Variants in DLG5 observed in about 807,000 individuals in gnomAD.
DLG5 encodes the protein disks large homolog 5.
A neutral mutation model predicts 189.8 loss-of-function variants in DLG5; 48 were observed. The ratio of observed to expected loss-of-function variants is 0.25; its 90% CI spans 0.20 to 0.32. The LOEUF is 0.32. Ranked by LOEUF, DLG5 falls within the 10% of genes least tolerant of loss-of-function variation. The probability of loss-of-function intolerance (pLI) is 1.00; values close to 1 mark genes in which losing one functional copy is unlikely to be tolerated. For missense variants in DLG5, 2,160 were observed against 2,544.7 expected (o/e 0.85, Z 3.25); for synonymous variants, 1,016 against 1,054.1 (o/e 0.96, Z 0.70).
At chr10:77,863,299 A>C (rs1030098751) in intron 2 of DLG5, among the ~76,000 whole-genome samples, 3 of 151,716 alleles carry the variant, frequency 2.0e-5, no homozygotes, top group African/African-American at 7.3e-5. Flanking sequence ...GGGCCCCACT[A>C]TGTTGCCCAG....
chr10:77,891,678 A>ACACATCACTCC (rs1845613677), intron 1 of DLG5, among the ~76,000 whole-genome samples: 1 of 152,060 alleles, frequency 6.6e-6, no homozygotes, highest in South Asian at 2.1e-4. Context: ...CAACCCCGCT[A>ACACATCACTCC]CACATCACTC....
At chr10:77,933,208 T>G in the DLG5 span, among the ~76,000 whole-genome samples, 1 of 152,196 alleles carries the variant, frequency 6.6e-6, no homozygotes, top group Non-Finnish European at 1.5e-5. Context: ...ATTGCAACTT[T>G]TTACTCCCTT....
At chr10:77,816,773 G>T in intron 19 of DLG5, 72 bp from the exon 20 acceptor site, 5 of 1,550,212 alleles carry the variant, frequency 3.2e-6, no homozygotes, top group Non-Finnish European at 4.4e-6. Context: ...CCAAGAGGCA[G>T]GTGCGATCCA....
At chr10:77,806,649 T>C (rs10762765) in intron 26 of DLG5, 109 bp downstream of exon 26, 453,028 of 1,393,596 alleles carry the variant, frequency 0.33, 75,478 homozygotes, top group Non-Finnish European at 0.34. Context: ...AGAAGCAGAA[T>C]CCCTCCTCCA....
chr10:77,793,301 C>CA (rs1374522000), intron 31 of DLG5: 2 of 153,212 alleles, frequency 1.3e-5, no homozygotes, highest in African/African-American at 4.8e-5. Flanking sequence ...GAGGCATGCA[C>CA]ACCTGCACAT....
intron 1 of DLG5, among the ~76,000 whole-genome samples, chr10:77,911,335 G>A (rs1351197910): frequency 6.6e-6 from 1 of 152,114 alleles, no homozygotes. Flanking sequence ...TGCTCAGGCT[G>A]GTCTCGAACT....
At chr10:77,922,431 C>T (rs1337842481) in intron 1 of DLG5, among the ~76,000 whole-genome samples, 1 of 152,192 alleles carries the variant, frequency 6.6e-6, no homozygotes. Context: ...ACAATTCTGT[C>T]TTCTCCCTAC....
In DLG5 at chr10:77,806,875, T is replaced by C; in HGVS notation, c.4850A>G (p.Asp1617Gly). 2.5e-6 allele frequency: 4 copies of C among 1,614,072 alleles called. No homozygotes were observed. Among genetic ancestry groups the C allele is most frequent in the Non-Finnish European group, 3.4e-6 (4 of 1,179,940 alleles). Residue 1617 changes from aspartate (D) to glycine (G), a missense_variant, in exon 26 of 32, where the codon GAC (aspartate) becomes GGC (glycine). Transcript: ENST00000372391. ...DVEQELSFKKDDILYVDDTLP... is the reference protein window; with the variant it reads ...DVEQELSFKKGDILYVDDTLP... Reference sequence around the variant, plus strand: ...GGTGTCATCCACGTAGAGGATGTCGTCCTTCTTAAAGCTCAACTCTTGCTC... The same window carrying C: ...GGTGTCATCCACGTAGAGGATGTCGCCCTTCTTAAAGCTCAACTCTTGCTC...
rs544436866 is a variant in DLG5, at chr10:77,869,218, A to G, written c.305-21T>C. 10 of 1,612,188 alleles carry G rather than the reference A, an allele frequency of 6.2e-6. No homozygotes were observed. In the Admixed American group the frequency reaches 6.7e-5, roughly 11 times the overall value. ...AGAACCTGGGGAAAGAGGGGAGACC[A>G]TGTTACTAACCCCAAGGGGTCACTC... On this transcript the variant is annotated intron_variant, in intron 1 of 31. Coordinates refer to ENST00000372391, the MANE Select transcript of DLG5 (RefSeq NM_004747.4).
chr10:77,841,373 G>C (rs1246059317), intron 7 of DLG5, among the ~76,000 whole-genome samples: 1 of 152,184 alleles, frequency 6.6e-6, no homozygotes, highest in East Asian at 1.9e-4. Context: ...AGAATGTTGG[G>C]CTCAGCCTAC....
At position 77,918,186 on chromosome 10, in the gene DLG5, G is replaced by A. The variant is rs1846425186; in HGVS notation, c.304+8031C>T. Among the ~76,000 whole-genome samples the A allele has an allele frequency of 2.0e-5, 3 of 152,022 alleles. 1 individual carries two copies. Among genetic ancestry groups the A allele is most frequent in the South Asian group, 4.1e-4 (2 of 4,820 alleles). ...AGCACTTTGAGAGGCCAAGGTGGGC[G>A]GACCATTTGAGGTCAGGAGTTCAAG... is the stretch of plus-strand genomic sequence containing the variant. On this transcript the variant is annotated intron_variant, in intron 1 of 31. Coordinates refer to ENST00000372391, the MANE Select transcript of DLG5 (RefSeq NM_004747.4).
chr10:77,924,888 C>T (rs1420000130), intron 1 of DLG5, among the ~76,000 whole-genome samples: 1 of 152,154 alleles, frequency 6.6e-6, no homozygotes, highest in Non-Finnish European at 1.5e-5. Context: ...AGATGGCCAA[C>T]GTAAGAGAGC....
intron 17 of DLG5, 130 bp downstream of exon 17, chr10:77,819,191 T>C: frequency 7.3e-7 from 1 of 1,364,978 alleles, no homozygotes; most frequent in Non-Finnish European, 1.0e-6. Flanking sequence ...CCTGTGCTGC[T>C]CTAGCCAGTC....
At chr10:77,863,477 G>A (rs74495300) in intron 2 of DLG5, among the ~76,000 whole-genome samples, 3,258 of 152,238 alleles carry the variant, frequency 0.021, 116 homozygotes, top group African/African-American at 0.074. Context: ...GTAAAGAGAT[G>A]AGGACCAACC....
chr10:77,835,773 C>T lies in DLG5; in HGVS notation c.1587G>A (p.Glu529=), dbSNP rs544086446. 52 of 1,613,628 alleles carry T rather than the reference C, an allele frequency of 3.2e-5. No homozygotes were observed. In the South Asian group the frequency reaches 5.1e-4, roughly 16 times the overall value. Residue 529 remains glutamate (E), a synonymous_variant, in exon 8 of 32, where the codon GAG becomes GAA. Transcript: ENST00000372391. ...AKCRRDWAFQ[E]RDKIVAERDS... ...CACGCTCTGCTACAATCTTGTCTCG[C>T]TCCTGGAAGGCCCAGTCCCGCCGGC...
chr10:77,798,635 C>T (rs1298098210), intron 27 of DLG5, among the ~76,000 whole-genome samples: 2 of 152,110 alleles, frequency 1.3e-5, no homozygotes, highest in Admixed American at 6.6e-5. Context: ...GCTCCTTGTC[C>T]GGGGCTGTGT....
At position 77,925,886 on chromosome 10, in the gene DLG5, G is replaced by A. The variant is rs980563581; in HGVS notation, c.304+331C>T. On this transcript the variant is annotated intron_variant, in intron 1 of 31. Transcript: ENST00000372391. ...GCACAGGGTGCCAAAGCTAGCGGAC[G>A]GTGAGGAGCCTCAGAAAAGGGACTG... Among the ~76,000 whole-genome samples the A allele has an allele frequency of 3.9e-5, 6 of 152,188 alleles. No individual in the cohort carries two copies. In the East Asian group the frequency reaches 5.8e-4, roughly 15 times the overall value.
chr10:77,845,856 C>T (rs1364027934), intron 5 of DLG5, among the ~76,000 whole-genome samples: 1 of 150,324 alleles, frequency 6.7e-6, no homozygotes, highest in Non-Finnish European at 1.5e-5. Context: ...AAAATGGCAT[C>T]ACTGTTGCAA....
chr10:77,914,588 C>G (rs144375944), intron 1 of DLG5, among the ~76,000 whole-genome samples: 42 of 152,272 alleles, frequency 2.8e-4, no homozygotes, highest in Non-Finnish European at 5.3e-4. Context: ...ATTCAGATGT[C>G]TCCAGTCCCG....
Sources: allele counts gnomAD v4.1 joint callset (sites outside exome capture counted in the v4.1 genomes callset), GRCh38; gene constraint gnomAD v4.1.1; transcripts MANE v1.5; gene names NCBI Gene and HGNC (gene_info 2026-07-23, HGNC 2026-07-21).